NPIPB15: variants seen among roughly 807,000 people sequenced by gnomAD.
The protein encoded by NPIPB15 is nuclear pore complex interacting protein family member B15, also known as nuclear pore complex-interacting protein family member B15.
In NPIPB15, 5 loss-of-function variants were observed where a neutral mutation model predicts 35.9. The ratio of observed to expected loss-of-function variants is 0.14; its 90% CI spans 0.07 to 0.29. The LOEUF (loss-of-function observed/expected upper bound fraction) is 0.29, where lower values mean the gene tolerates loss of function less well. NPIPB15 is among the 10% of genes least tolerant of loss of function. The pLI is 1.00. For missense variants in NPIPB15, 100 were observed against 506.1 expected (o/e 0.20, Z 7.70); for synonymous variants, 43 against 182.0 (o/e 0.24, Z 6.15).
chr16:74,379,977 T>C (rs1028453620), intron 2 of NPIPB15, among the ~76,000 whole-genome samples: 181 of 151,022 alleles, frequency 1.2e-3, no homozygotes, highest in African/African-American at 4.0e-3. Flanking sequence ...TTTTTACTTA[T>C]GCTGAGCTTT....
chr16:74,386,315 A>C (rs2012279016), intron 5 of NPIPB15, among the ~76,000 whole-genome samples: 1 of 130,914 alleles, frequency 7.6e-6, no homozygotes, highest in South Asian at 3.0e-4. Context: ...AAATTTTGAG[A>C]TAGAATCTCG....
rs1207851456 is a variant in NPIPB15 at position 74,382,906 on chromosome 16, C to CTTTTTTTTT, written c.249+1221_249+1229dup. Among the ~76,000 whole-genome samples the CTTTTTTTTT allele has an allele frequency of 2.2e-4, 25 of 115,890 alleles. 2 individuals carry two copies. Among genetic ancestry groups the CTTTTTTTTT allele is most frequent in the Non-Finnish European group, 2.7e-4 (16 of 58,366 alleles). The allele number at this position is 115,890 out of a possible 152,430, so 76.0% of individuals were successfully genotyped here. On this transcript the variant is annotated intron_variant, in intron 3 of 7. Coordinates refer to ENST00000692376, the MANE Select transcript of NPIPB15 (RefSeq NM_001306094.2). ...AATTTTTGGTATAAATTGGAGGAAG[C>CTTTTTTTTT]TTTTTTTTTTTTTTTTTTTTTCTTT...
intron 2 of NPIPB15, among the ~76,000 whole-genome samples, chr16:74,378,404 G>C (rs1218104631): frequency 5.2e-5 from 7 of 134,204 alleles, no homozygotes; most frequent in African/African-American, 1.2e-4. Flanking sequence ...CATTTGATTT[G>C]TGTCACCTGG....
chr16:74,384,450 CCTCTG>C (rs1485858028), intron 3 of NPIPB15, among the ~76,000 whole-genome samples: 1 of 104,492 alleles, frequency 9.6e-6, no homozygotes, highest in Non-Finnish European at 1.9e-5. Context: ...CTCACTGCAA[CCTCTG>C]CCTCCTGGGT....
rs1360441167 is a variant in NPIPB15, at chr16:74,384,218, T to C, written c.250-1124T>C. On this transcript the variant is annotated intron_variant, in intron 3 of 7. Transcript: ENST00000692376. ...GATCAGGAAGGAGCAGGGGGTGAAA[T>C]GTTACAAATTCTAGAACTCAGAGAG... Among the ~76,000 whole-genome samples the C allele has an allele frequency of 1.3e-4, 13 of 96,548 alleles. No homozygotes were observed. The South Asian group carries it at 5.5e-3, about 41-fold the overall frequency. The allele number at this position is 96,548 out of a possible 152,430, so 63.3% of individuals were successfully genotyped here. A position where few individuals can be genotyped will look rare whatever the true frequency, so the allele number is the denominator to read the frequency against.
chr16:74,377,407 G>GCCCTCACTC (rs1443790065), intron 1 of NPIPB15, among the ~76,000 whole-genome samples, 61 bp downstream of exon 1: 1 of 151,924 alleles, frequency 6.6e-6, no homozygotes, highest in Non-Finnish European at 1.5e-5. Context: ...TGAGATGGGG[G>GCCCTCACTC]AGGGGTCATT....
intron 3 of NPIPB15, among the ~76,000 whole-genome samples, chr16:74,384,464 G>C (rs2012152412): frequency 9.5e-6 from 1 of 105,214 alleles, no homozygotes; most frequent in Non-Finnish European, 1.9e-5. Flanking sequence ...TGCCTCCTGG[G>C]TTCAAGCAGT....
intron 2 of NPIPB15, among the ~76,000 whole-genome samples, chr16:74,380,276 C>G (rs1323205801): frequency 6.6e-6 from 1 of 151,824 alleles, no homozygotes; most frequent in Admixed American, 6.6e-5. Context: ...AGTGCGGTGG[C>G]AGGCGCCTGT....
chr16:74,380,897 G>A (rs2011952038), intron 2 of NPIPB15, among the ~76,000 whole-genome samples: 1 of 152,390 alleles, frequency 6.6e-6, no homozygotes, highest in Admixed American at 6.5e-5. Context: ...TGTAATCCCA[G>A]TACTTTCAGA....
chr16:74,380,922 G>C (rs1049035186), intron 2 of NPIPB15, among the ~76,000 whole-genome samples: 3 of 152,264 alleles, frequency 2.0e-5, no homozygotes, highest in Non-Finnish European at 2.9e-5. Flanking sequence ...GAGGCAGGCA[G>C]ATCGCCTGCC....
intron 2 of NPIPB15, 181 bp from the exon 3 acceptor site, chr16:74,381,335 A>G (rs1435641744): frequency 2.7e-6 from 2 of 735,598 alleles, no homozygotes; most frequent in Admixed American, 3.0e-5. Context: ...ACTACCAGCC[A>G]TCTGAAAAAC....
chr16:74,380,854 A>G (rs536767009), intron 2 of NPIPB15, among the ~76,000 whole-genome samples: 88 of 114,830 alleles, frequency 7.7e-4, no homozygotes, highest in African/African-American at 2.3e-3. Flanking sequence ...AAACAAAAAC[A>G]AAAAAAAATG....
intron 2 of NPIPB15, among the ~76,000 whole-genome samples, chr16:74,380,911 C>A (rs148552180): frequency 6.6e-6 from 1 of 152,248 alleles, no homozygotes; most frequent in Non-Finnish European, 1.5e-5. Context: ...TTTCAGAGGC[C>A]GAGGCAGGCA....
At chr16:74,382,896 T>C (rs1305430635) in intron 3 of NPIPB15, among the ~76,000 whole-genome samples, 2 of 150,250 alleles carry the variant, frequency 1.3e-5, no homozygotes, top group Non-Finnish European at 3.0e-5. Context: ...TTGGTATAAA[T>C]TGGAGGAAGC....
intron 2 of NPIPB15, among the ~76,000 whole-genome samples, chr16:74,379,063 G>A (rs1206792259): frequency 1.3e-5 from 2 of 152,254 alleles, no homozygotes. Flanking sequence ...GCCTCCCAAA[G>A]TGTTGGGATT....
chr16:74,386,282 G>A (rs1164071595), intron 5 of NPIPB15, among the ~76,000 whole-genome samples: 4 of 108,204 alleles, frequency 3.7e-5, no homozygotes, highest in Non-Finnish European at 7.3e-5. Flanking sequence ...ACCACACCCA[G>A]CCTTTTTTTT....
chr16:74,380,780 C>T (rs377504230), intron 2 of NPIPB15, among the ~76,000 whole-genome samples: 10,335 of 143,578 alleles, frequency 0.072, no homozygotes, highest in Non-Finnish European at 0.1. Context: ...GCCGAGAGCA[C>T]GCCACTGCAC....
chr16:74,379,911 A>G lies in NPIPB15; in HGVS notation c.67-1605A>G, dbSNP rs1312185531. On this transcript the variant is annotated intron_variant, in intron 2 of 7. Transcript: ENST00000692376. ...CCCACCTTGTTAATTTTTAAGCACT[A>G]AAATTTGATACTTATTTGTGAATGA... is the stretch of plus-strand genomic sequence containing the variant. Among the ~76,000 whole-genome samples the G allele has an allele frequency of 3.3e-5, 5 of 151,922 alleles. No individual in the cohort carries two copies. The East Asian group carries it at 9.7e-4, about 29-fold the overall frequency.
At chr16:74,387,697 GCACCA>G (rs910791711) in intron 5 of NPIPB15, among the ~76,000 whole-genome samples, 4 of 152,136 alleles carry the variant, frequency 2.6e-5, no homozygotes, top group African/African-American at 9.6e-5. Context: ...TGCATTCTCA[GCACCA>G]CACCACACAC....
Sources: allele counts gnomAD v4.1 joint callset (sites outside exome capture counted in the v4.1 genomes callset), GRCh38; gene constraint gnomAD v4.1.1; transcripts MANE v1.5; gene names NCBI Gene and HGNC (gene_info 2026-07-23, HGNC 2026-07-21).